EHBP1: variants seen among roughly 807,000 people sequenced by gnomAD.
The protein encoded by EHBP1 is EH domain-binding protein 1.
EHBP1 carries 55 observed loss-of-function variants against 144.0 expected under a neutral mutation model. The observed-to-expected ratio is 0.38, with a 90% CI of 0.31 to 0.48. The LOEUF (loss-of-function observed/expected upper bound fraction) is 0.48. Ranked by LOEUF, EHBP1 falls within the 20% of genes least tolerant of loss-of-function variation. EHBP1 has a pLI of 0.98. For synonymous variants in EHBP1, 469 were observed against 472.7 expected, an observed-to-expected ratio of 0.99 and a Z score of 0.10; for missense variants, 1,200 against 1,364.2, an observed-to-expected ratio of 0.88 and a Z score of 1.90.
chr2:62,689,873 T>C (rs1225734325), intron 1 of EHBP1, among the ~76,000 whole-genome samples: 3 of 152,208 alleles, frequency 2.0e-5, no homozygotes, highest in Admixed American at 1.3e-4. Flanking sequence ...AAAGCATTAA[T>C]AGTTACTACT....
At chr2:62,938,978 A>G (rs1376811013) in intron 10 of EHBP1, among the ~76,000 whole-genome samples, 3 of 152,192 alleles carry the variant, frequency 2.0e-5, no homozygotes, top group African/African-American at 4.8e-5. Flanking sequence ...ACTGTTTGCC[A>G]TACATTGTTC....
chr2:62,711,566 T>C (rs892599032), intron 2 of EHBP1, among the ~76,000 whole-genome samples: 3 of 152,126 alleles, frequency 2.0e-5, no homozygotes, highest in African/African-American at 7.2e-5. Flanking sequence ...CATCTTAGTA[T>C]GTAAGTAGTA....
At chr2:62,729,373 AATAATAAATATCATATTTATTATAT>A (rs1195127913) in intron 2 of EHBP1, among the ~76,000 whole-genome samples, 9 of 123,962 alleles carry the variant, frequency 7.3e-5, no homozygotes, top group East Asian at 6.2e-4. Flanking sequence ...AATATAATAT[AATAATAAATATCATATTTATTATAT>A]ATAATAAATA....
chr2:62,864,753 A>G lies in EHBP1; in HGVS notation c.780A>G (p.Ser260=), dbSNP rs1424638465. Residue 260 remains serine, a synonymous_variant, in exon 9 of 23, where the codon TCA becomes TCG. Transcript: ENST00000431489. The part of the protein sequence containing the change: ...DSEEPITETA[S]PRKTEDSFYN... Reference sequence around the variant, plus strand: ...TAGAACCTATCACTGAAACAGCTTCACCTAGAAAAACAGAAGACTCTTTTT... The same window carrying G: ...TAGAACCTATCACTGAAACAGCTTCGCCTAGAAAAACAGAAGACTCTTTTT... The G allele has an allele frequency of 9.3e-6, 15 of 1,611,786 alleles. No homozygotes were observed. Among genetic ancestry groups the G allele is most frequent in the Non-Finnish European group, 1.2e-5 (14 of 1,179,176 alleles).
intron 9 of EHBP1, among the ~76,000 whole-genome samples, chr2:62,868,479 A>G (rs574232975): frequency 4.6e-5 from 7 of 152,348 alleles, no homozygotes; most frequent in South Asian, 2.1e-4. Flanking sequence ...CAAAACACAA[A>G]GGATAAAACA....
In EHBP1 at chr2:62,860,068, TTC is replaced by T. The variant is rs564013081; in HGVS notation, c.757+781_757+782del. On this transcript the variant is annotated intron_variant, in intron 8 of 22. Transcript: ENST00000431489. ...TATAGCAATATAATTTCATAATTCTTTCTCTGTCTCCTCTTCCTTTACCTTCT... is the reference window on the plus strand; with the variant it reads ...TATAGCAATATAATTTCATAATTCTTTCTGTCTCCTCTTCCTTTACCTTCT... 3.9e-5 allele frequency among the ~76,000 whole-genome samples: 6 copies of T among 152,354 alleles called. No individual in the cohort carries two copies. The South Asian group carries it at 1.0e-3, about 26-fold the overall frequency.
chr2:63,022,369 C>T (rs2060791613), intron 19 of EHBP1, among the ~76,000 whole-genome samples: 1 of 151,864 alleles, frequency 6.6e-6, no homozygotes, highest in South Asian at 2.1e-4. Flanking sequence ...GGCTGGAGTG[C>T]AATGGCGCAA....
intron 19 of EHBP1, among the ~76,000 whole-genome samples, chr2:63,008,934 G>A (rs1191554056): frequency 1.3e-5 from 2 of 151,750 alleles, no homozygotes; most frequent in Non-Finnish European, 3.0e-5. Context: ...GGTGGCATTT[G>A]AAGTTCAGAT....
At chr2:62,996,128 A>G (rs2059617315) in intron 18 of EHBP1, among the ~76,000 whole-genome samples, 1 of 152,130 alleles carries the variant, frequency 6.6e-6, no homozygotes, top group African/African-American at 2.4e-5. Context: ...TATTTTAAAT[A>G]ATGTAATCAT....
At chr2:62,916,678 C>T (rs2054640283) in intron 10 of EHBP1, among the ~76,000 whole-genome samples, 1 of 149,908 alleles carries the variant, frequency 6.7e-6, no homozygotes, top group Non-Finnish European at 1.5e-5. Flanking sequence ...AGAAAAAGAA[C>T]TAATAGCTAT....
intron 19 of EHBP1, among the ~76,000 whole-genome samples, chr2:63,032,396 G>A (rs562411326): frequency 5.9e-5 from 9 of 151,482 alleles, no homozygotes; most frequent in African/African-American, 1.9e-4. Context: ...GTGAAACCCC[G>A]TCTCTACTGA....
At chr2:62,736,610 A>G (rs913545273) in intron 2 of EHBP1, among the ~76,000 whole-genome samples, 9 of 152,170 alleles carry the variant, frequency 5.9e-5, no homozygotes, top group African/African-American at 2.2e-4. Context: ...CAGTCTACCA[A>G]TAAACCTATC....
At chr2:62,740,897 T>C (rs1462071468) in intron 2 of EHBP1, among the ~76,000 whole-genome samples, 5 of 152,190 alleles carry the variant, frequency 3.3e-5, no homozygotes, top group African/African-American at 1.2e-4. Context: ...AAATGTAAGC[T>C]TTTACAAGAC....
chr2:62,830,828 T>A (rs957249180), intron 6 of EHBP1, among the ~76,000 whole-genome samples, 191 bp from the exon 7 acceptor site: 2 of 152,228 alleles, frequency 1.3e-5, no homozygotes, highest in African/African-American at 4.8e-5. Context: ...ATTAGCTCTT[T>A]ACTAATTAAG....
At position 62,706,999 on chromosome 2, in the gene EHBP1, A is replaced by C; in HGVS notation, c.-193A>C. On this transcript the variant is annotated 5_prime_UTR_variant, in exon 2 of 23. Transcript: ENST00000431489. ...TGTCACGTATATCATAGTGTTCTTG[A>C]CTGGGCCATTCATCTAAGATGGGAT... is the stretch of plus-strand genomic sequence containing the variant. The C allele has an allele frequency of 1.8e-6, 1 of 559,604 alleles. No individual in the cohort carries two copies. The highest frequency in any genetic ancestry group is 3.7e-4 in the Middle Eastern group (1 of 2,696). 34.7% of individuals were successfully genotyped at this position (559,604 alleles called of 1,614,324 possible). A position where few individuals can be genotyped will look rare whatever the true frequency, so the allele number is the denominator to read the frequency against.
intron 10 of EHBP1, among the ~76,000 whole-genome samples, chr2:62,887,598 G>A (rs889758593): frequency 6.7e-6 from 1 of 150,238 alleles, no homozygotes; most frequent in African/African-American, 2.4e-5. Flanking sequence ...AAAATAGCCA[G>A]TCTGGGTGCC....
intron 5 of EHBP1, among the ~76,000 whole-genome samples, chr2:62,820,247 AT>A (rs1447427203): frequency 1.3e-5 from 2 of 151,142 alleles, no homozygotes; most frequent in African/African-American, 4.8e-5. Context: ...AAAGAACATG[AT>A]GTTGAAGATA....
rs573929821 is a variant in EHBP1, at chr2:62,993,483, T to C, written c.2734-47T>C. ...ATTGCCTTACTAATGTGTAATTTTA[T>C]GTTTATGAGATCAGGACTCTCTTAC... On this transcript the variant is annotated intron_variant, in intron 16 of 22. Coordinates refer to ENST00000431489, the MANE Select transcript of EHBP1 (RefSeq NM_001142616.3). 9 of 1,398,212 alleles carry C rather than the reference T, an allele frequency of 6.4e-6. No homozygotes were observed. The African/African-American group carries it at 7.2e-5, about 11-fold the overall frequency. 86.6% of individuals were successfully genotyped at this position (1,398,212 alleles called of 1,614,324 possible).
At chr2:62,809,104 A>G (rs1294568178) in intron 5 of EHBP1, among the ~76,000 whole-genome samples, 3 of 152,122 alleles carry the variant, frequency 2.0e-5, no homozygotes, top group African/African-American at 7.2e-5. Flanking sequence ...CAGCCTGACC[A>G]GCATGGTGAA....
Sources: gnomAD v4.1 joint callset for allele counts (sites outside exome capture counted in the v4.1 genomes callset) on GRCh38, gnomAD v4.1.1 for gene constraint, MANE v1.5 for transcripts, NCBI Gene and HGNC (gene_info 2026-07-23, HGNC 2026-07-21) for gene names.